Variants in CSMD1 observed in about 807,000 individuals in gnomAD.
CSMD1 encodes the protein CUB and sushi domain-containing protein 1.
Under a neutral mutation model 417.5 loss-of-function variants are expected in CSMD1, and 213 were observed. The ratio of observed to expected loss-of-function variants is 0.51; its 90% CI spans 0.46 to 0.57. CSMD1 has a LOEUF of 0.57. Ranked by LOEUF, CSMD1 falls within the 20% of genes least tolerant of loss-of-function variation. The pLI, the probability that CSMD1 is intolerant of heterozygous loss-of-function variation, is 0.00. For synonymous variants in CSMD1, 2,862 were observed against 1,736.8 expected, an observed-to-expected ratio of 1.65 and a Z score of -16.11; for missense variants, 6,923 against 4,529.7, an observed-to-expected ratio of 1.53 and a Z score of -15.17.
At chr8:4,455,331 T>C (rs1253359692) in intron 2 of CSMD1, among the ~76,000 whole-genome samples, 2 of 152,124 alleles carry the variant, frequency 1.3e-5, no homozygotes, top group Admixed American at 6.5e-5. Context: ...CACAAATCCA[T>C]GTAACAAGCA....
intron 2 of CSMD1, among the ~76,000 whole-genome samples, chr8:4,497,890 C>A (rs1371243195): frequency 1.3e-5 from 2 of 152,090 alleles, no homozygotes; most frequent in African/African-American, 4.8e-5. Flanking sequence ...ATCCTGTTGG[C>A]GTTTGAATGC....
chr8:3,482,236 A>T (rs1205662396), intron 11 of CSMD1, among the ~76,000 whole-genome samples: 2 of 152,188 alleles, frequency 1.3e-5, no homozygotes, highest in Non-Finnish European at 2.9e-5. Context: ...TATCAGAGAG[A>T]GGCAGAATGT....
chr8:3,762,779 G>C (rs1054643865), intron 5 of CSMD1, among the ~76,000 whole-genome samples: 1 of 152,206 alleles, frequency 6.6e-6, no homozygotes, highest in Non-Finnish European at 1.5e-5. Flanking sequence ...AAAGAGTTAA[G>C]CTGCTGACCC....
chr8:4,032,009 T>G lies in CSMD1; in HGVS notation c.506A>C (p.Tyr169Ser). 2 of 1,613,964 alleles carry G rather than the reference T, an allele frequency of 1.2e-6. No homozygotes were observed. Among genetic ancestry groups the G allele is most frequent in the Non-Finnish European group, 1.7e-6 (2 of 1,179,872 alleles). ...CAAGATGTAGCCAGGGAGGCAGCTG[T>G]ACCGGATTTTGTCTCCTATGTTGAA... Reference protein sequence around the residue: ...TRFNIGDKIRYSCLPGYILEG... With the variant: ...TRFNIGDKIRSSCLPGYILEG... Residue 169 changes from tyrosine to serine, a missense_variant, in exon 4 of 70, where the codon TAC becomes TCC. Physicochemically the swap from Tyr to Ser is moderately radical, Grantham distance 144. Coordinates refer to ENST00000635120, the MANE Select transcript of CSMD1 (RefSeq NM_033225.6).
intron 6 of CSMD1, among the ~76,000 whole-genome samples, chr8:3,714,837 T>G (rs1048842181): frequency 1.3e-5 from 2 of 152,162 alleles, no homozygotes; most frequent in African/African-American, 2.4e-5. Context: ...ATTAAACTGT[T>G]CTTGAATTAT....
At chr8:4,008,459 A>C (rs1055552238) in intron 4 of CSMD1, among the ~76,000 whole-genome samples, 8 of 151,800 alleles carry the variant, frequency 5.3e-5, no homozygotes, top group East Asian at 1.9e-4. Flanking sequence ...GAATTAAATA[A>C]ATGCTATTTA....
Position 4,038,189 on chromosome 8 carries a change from T to C in CSMD1, c.416-6090A>G, listed in dbSNP as rs549257831. On this transcript the variant is annotated intron_variant, in intron 3 of 69. Transcript: ENST00000635120. ...GATTTAGGGATTGGGGATTTTTATC[T>C]TCAACAAATTTTCTTTTTAAAAAGT... Among the ~76,000 whole-genome samples the C allele has an allele frequency of 4.6e-5, 7 of 152,264 alleles. No individual in the cohort carries two copies. The South Asian group carries it at 1.4e-3, about 32-fold the overall frequency.
intron 12 of CSMD1, among the ~76,000 whole-genome samples, chr8:3,454,456 G>T (rs191198287): frequency 2.6e-5 from 4 of 152,316 alleles, no homozygotes; most frequent in South Asian, 2.1e-4. Flanking sequence ...GGTACCGGTT[G>T]TTCCTTTCCA....
chr8:4,913,213 G>A (rs1805820546), intron 1 of CSMD1, among the ~76,000 whole-genome samples: 2 of 152,302 alleles, frequency 1.3e-5, no homozygotes, highest in Non-Finnish European at 2.9e-5. Flanking sequence ...TAGCGTTGCT[G>A]TTAGGTACAT....
chr8:4,199,074 T>C (rs1004859857), intron 3 of CSMD1, among the ~76,000 whole-genome samples: 4 of 152,078 alleles, frequency 2.6e-5, no homozygotes, highest in Non-Finnish European at 5.9e-5. Context: ...ACCCCTGAGG[T>C]AGTAGAGCCA....
intron 1 of CSMD1, among the ~76,000 whole-genome samples, chr8:4,814,924 T>A (rs1799122533): frequency 6.6e-6 from 1 of 152,218 alleles, no homozygotes; most frequent in Non-Finnish European, 1.5e-5. Flanking sequence ...TTTGGTTGAA[T>A]AAACATTTTG....
At chr8:4,719,697 G>T (rs913845149) in intron 1 of CSMD1, among the ~76,000 whole-genome samples, 6 of 152,080 alleles carry the variant, frequency 3.9e-5, no homozygotes, top group African/African-American at 1.4e-4. Flanking sequence ...TTTGATTTAT[G>T]TATTTCAGTA....
At chr8:3,424,293 G>C (rs1294661841) in intron 12 of CSMD1, among the ~76,000 whole-genome samples, 1 of 152,142 alleles carries the variant, frequency 6.6e-6, no homozygotes, top group Non-Finnish European at 1.5e-5. Context: ...GTATTGCCTA[G>C]TTTAGTCTAT....
chr8:4,255,781 A>C (rs1434425214), intron 3 of CSMD1, among the ~76,000 whole-genome samples: 1 of 152,096 alleles, frequency 6.6e-6, no homozygotes, highest in Admixed American at 6.6e-5. Context: ...TTTAAAGAAA[A>C]CCCCAGCTCC....
At chr8:4,175,623 A>C (rs1700114) in intron 3 of CSMD1, among the ~76,000 whole-genome samples, 152,074 of 152,226 alleles carry the variant, frequency 1, 75,961 homozygotes, top group Non-Finnish European at 1. Context: ...ATCACAGCAT[A>C]ATTTGTGATG....
chr8:4,444,952 A>G (rs1042221685), intron 2 of CSMD1, among the ~76,000 whole-genome samples: 3 of 152,198 alleles, frequency 2.0e-5, no homozygotes, highest in African/African-American at 7.2e-5. Flanking sequence ...AATAACTGGG[A>G]AATCTCCACT....
At chr8:4,081,838 G>C (rs1016859738) in intron 3 of CSMD1, among the ~76,000 whole-genome samples, 13 of 151,510 alleles carry the variant, frequency 8.6e-5, no homozygotes, top group Middle Eastern at 3.4e-3. Flanking sequence ...GTTAAAAAAA[G>C]TTGAAACCAA....
At chr8:4,692,105 G>A (rs765830757) in intron 1 of CSMD1, among the ~76,000 whole-genome samples, 20 of 152,042 alleles carry the variant, frequency 1.3e-4, no homozygotes, top group Non-Finnish European at 2.6e-4. Context: ...AATACCCCTG[G>A]CACCCTGGTA....
At chr8:4,263,893 A>G (rs1020917813) in intron 3 of CSMD1, among the ~76,000 whole-genome samples, 1 of 152,230 alleles carries the variant, frequency 6.6e-6, no homozygotes, top group African/African-American at 2.4e-5. Flanking sequence ...GAACAATTAT[A>G]GACACAATAG....
Sources: gnomAD v4.1 joint callset for allele counts (sites outside exome capture counted in the v4.1 genomes callset) on GRCh38, gnomAD v4.1.1 for gene constraint, MANE v1.5 for transcripts, NCBI Gene and HGNC (gene_info 2026-07-23, HGNC 2026-07-21) for gene names.